The following BCAR3 variants were observed in gnomAD, a reference collection of about 807,000 sequenced individuals.
The protein encoded by BCAR3 is breast cancer anti-estrogen resistance protein 3.
BCAR3 carries 37 observed loss-of-function variants against 80.1 expected under a neutral mutation model. The observed-to-expected ratio is 0.46, with a 90% CI of 0.36 to 0.61. The LOEUF (loss-of-function observed/expected upper bound fraction) is 0.61, where lower values mean the gene tolerates loss of function less well. Ranked by LOEUF, BCAR3 falls within the 20% of genes least tolerant of loss-of-function variation. BCAR3 has a pLI of 0.00. For synonymous variants in BCAR3, 389 were observed against 418.9 expected (o/e 0.93, Z 0.87); for missense variants, 978 against 1,068.2 (o/e 0.92, Z 1.18).
In BCAR3 at chr1:93,681,669, G is replaced by C. The variant is rs1648771849; in HGVS notation, c.-83C>G. 1.3e-5 allele frequency: 2 copies of C among 151,678 alleles called. No individual in the cohort carries two copies. Among genetic ancestry groups the C allele is most frequent in the South Asian group, 4.1e-4 (2 of 4,824 alleles). The allele number at this position is 151,678 out of a possible 1,614,324, so 9.4% of individuals were successfully genotyped here. A position where few individuals can be genotyped will look rare whatever the true frequency, so the allele number is the denominator to read the frequency against. ...TCCGGCTGGGGCTCAAAGGCGCCGCGCGGCCGGCCTCGCACCGCCCGCGCC... is the reference window on the plus strand; with the variant it reads ...TCCGGCTGGGGCTCAAAGGCGCCGCCCGGCCGGCCTCGCACCGCCCGCGCC... On this transcript the variant is annotated 5_prime_UTR_variant, in exon 1 of 12. Coordinates refer to ENST00000260502, the MANE Select transcript of BCAR3 (RefSeq NM_003567.4).
At chr1:93,691,045 T>G (rs1255871150) in intron 3 of BCAR3, among the ~76,000 whole-genome samples, 3 of 152,116 alleles carry the variant, frequency 2.0e-5, no homozygotes, top group Admixed American at 2.0e-4. Flanking sequence ...AGTTTTAGAG[T>G]CATTCTGGGG....
At chr1:93,614,234 T>C in intron 3 of BCAR3, 1 of 1,020,312 alleles carries the variant, frequency 9.8e-7, no homozygotes, top group Non-Finnish European at 1.2e-6. Context: ...CTAACCCCTC[T>C]TAGAAGAGGC....
At chr1:93,742,706 G>A (rs1285171601) in intron 2 of BCAR3, among the ~76,000 whole-genome samples, 1 of 152,202 alleles carries the variant, frequency 6.6e-6, no homozygotes, top group African/African-American at 2.4e-5. Context: ...AAAGTCTCTT[G>A]TATTTAAAAC....
rs544396047 is a variant in BCAR3, at chr1:93,601,295, C to T, written c.358-8902G>A. On this transcript the variant is annotated intron_variant, in intron 3 of 11. Coordinates refer to ENST00000260502, the MANE Select transcript of BCAR3 (RefSeq NM_003567.4). ...CATCAGAGGTTTTAGAGATATCTGG[C>T]CCTCGATAATTTAGTTCTAATGGAA... Among the ~76,000 whole-genome samples, 5 of 152,222 alleles carry T rather than the reference C, an allele frequency of 3.3e-5. No homozygotes were observed. In the East Asian group the frequency reaches 5.8e-4, roughly 18 times the overall value.
At chr1:93,692,552 A>G (rs1649232690) in intron 3 of BCAR3, among the ~76,000 whole-genome samples, 1 of 152,334 alleles carries the variant, frequency 6.6e-6, no homozygotes, top group East Asian at 1.9e-4. Flanking sequence ...GCATCATCTG[A>G]GTTAATCCTT....
At chr1:93,843,987 T>TG (rs58762836) in intron 2 of BCAR3, among the ~76,000 whole-genome samples, 113 of 152,252 alleles carry the variant, frequency 7.4e-4, no homozygotes, top group African/African-American at 2.6e-3. Context: ...CCAGAGCTTC[T>TG]GGGAAGGCCG....
intron 2 of BCAR3, among the ~76,000 whole-genome samples, chr1:93,790,422 T>G (rs1653101537): frequency 6.6e-6 from 1 of 152,118 alleles, no homozygotes; most frequent in African/African-American, 2.4e-5. Context: ...CCATTCATTT[T>G]CTGCTGGGAG....
intron 3 of BCAR3, among the ~76,000 whole-genome samples, chr1:93,622,623 G>A (rs1281155442): frequency 2.0e-5 from 3 of 152,156 alleles, no homozygotes; most frequent in Non-Finnish European, 2.9e-5. Context: ...CTAAGGGACC[G>A]CTTTTGTCAC....
chr1:93,592,143 T>C lies in BCAR3; in HGVS notation c.486+122A>G. 1.4e-6 allele frequency: 2 copies of C among 1,395,198 alleles called. No homozygotes were observed. Among genetic ancestry groups the C allele is most frequent in the South Asian group, 1.3e-5 (1 of 74,506 alleles). 86.4% of individuals were successfully genotyped at this position (1,395,198 alleles called of 1,614,324 possible). The stretch of plus-strand genomic sequence containing the variant: ...TCTAAATGAAGTCATTTTTAGAGTA[T>C]TTGTTTTTGGTTACACAGGTGCTTC... On this transcript the variant is annotated intron_variant, in intron 4 of 11. Transcript: ENST00000260502. This position sits in a 1 kb window ranked among gnomAD's most constrained non-coding sequence, Gnocchi z 4.8.
intron 2 of BCAR3, among the ~76,000 whole-genome samples, chr1:93,842,688 T>C (rs546648907): frequency 2.6e-5 from 4 of 152,314 alleles, no homozygotes; most frequent in African/African-American, 7.2e-5. Flanking sequence ...TGCTTTCCCA[T>C]TGCCACATTC....
At chr1:93,599,066 G>A (rs1027426653) in intron 3 of BCAR3, 3 of 152,168 alleles carry the variant, frequency 2.0e-5, no homozygotes, top group African/African-American at 4.8e-5. Flanking sequence ...CCAAGCATGC[G>A]TTCTGACCCC....
intron 7 of BCAR3, among the ~76,000 whole-genome samples, chr1:93,579,139 C>T (rs1673594610): frequency 6.6e-6 from 1 of 152,128 alleles, no homozygotes; most frequent in Non-Finnish European, 1.5e-5. Context: ...GCTCTTAGGA[C>T]CACCCACTGT....
upstream of BCAR3, chr1:93,847,897 GC>G: frequency 4.7e-6 from 1 of 211,858 alleles, no homozygotes; most frequent in Non-Finnish European, 9.4e-6. Context: ...CCTGAGAAGA[GC>G]GGCGGCGGCG....
In BCAR3 at chr1:93,653,822, C is replaced by A. The variant is rs1217119653; in HGVS notation, c.318-11479G>T. On this transcript the variant is annotated intron_variant, in intron 2 of 11. Transcript: ENST00000260502. ...AGGTGGTGATGCGAAATGCTCCAGG[C>A]AACAGGAGAAGCATGTGCAAAGATA... 2.0e-5 allele frequency among the ~76,000 whole-genome samples: 3 copies of A among 152,272 alleles called. No individual in the cohort carries two copies. The South Asian group carries it at 6.2e-4, about 32-fold the overall frequency.
chr1:93,632,054 C>T (rs552195113), intron 3 of BCAR3, among the ~76,000 whole-genome samples: 4 of 152,298 alleles, frequency 2.6e-5, no homozygotes, highest in Admixed American at 6.5e-5. Flanking sequence ...ATGCCAGAAC[C>T]GACCAGGGCA....
At chr1:93,714,108 G>A (rs1327006901) in intron 2 of BCAR3, among the ~76,000 whole-genome samples, 3 of 151,926 alleles carry the variant, frequency 2.0e-5, no homozygotes, top group East Asian at 3.9e-4. Flanking sequence ...TCAGCCTCCC[G>A]AGTAGCTGGG....
chr1:93,799,376 G>A (rs114556877), intron 2 of BCAR3, among the ~76,000 whole-genome samples: 2 of 152,166 alleles, frequency 1.3e-5, no homozygotes, highest in East Asian at 3.8e-4. Context: ...TATGGGGTCA[G>A]GTTGATCTTT....
chr1:93,832,276 C>T (rs1208617016), intron 2 of BCAR3, among the ~76,000 whole-genome samples: 2 of 152,208 alleles, frequency 1.3e-5, no homozygotes, highest in South Asian at 2.1e-4. Context: ...AACTTCCAAA[C>T]GCCTGAACCA....
chr1:93,568,875 T>C (rs1330959325), intron 9 of BCAR3, among the ~76,000 whole-genome samples: 2 of 152,206 alleles, frequency 1.3e-5, no homozygotes, highest in African/African-American at 2.4e-5. Context: ...CAGGCTGGGG[T>C]GCAGTGGTGC....
Sources: gnomAD v4.1 joint callset for allele counts (sites outside exome capture counted in the v4.1 genomes callset) on GRCh38, gnomAD v4.1.1 for gene constraint, Gnocchi (gnomAD v3.1) non-coding constraint, MANE v1.5 for transcripts, NCBI Gene and HGNC (gene_info 2026-07-23, HGNC 2026-07-21) for gene names.